Variants in EXOC5 observed in about 807,000 individuals in gnomAD.
EXOC5 encodes the protein SEC10-like 1.
In EXOC5, 17 loss-of-function variants were observed where a neutral mutation model predicts 90.8. The ratio of observed to expected loss-of-function variants is 0.19; its 90% CI spans 0.13 to 0.28. EXOC5 has a LOEUF of 0.28. Among genes scored for constraint, EXOC5 ranks in the 10% least tolerant of loss-of-function variants. The pLI, the probability that EXOC5 is intolerant of heterozygous loss-of-function variation, is 1.00. For synonymous variants in EXOC5, 260 were observed against 270.0 expected (o/e 0.96, Z 0.36); for missense variants, 569 against 830.6 (o/e 0.69, Z 3.87).
chr14:57,224,108 A>G (rs1266553073), intron 12 of EXOC5, among the ~76,000 whole-genome samples: 4 of 152,184 alleles, frequency 2.6e-5, no homozygotes, highest in African/African-American at 9.7e-5. Context: ...TTAGATTAGG[A>G]AAGAAGAAAG....
intron 1 of EXOC5, among the ~76,000 whole-genome samples, chr14:57,258,037 T>A (rs1253529439): frequency 6.6e-6 from 1 of 152,210 alleles, no homozygotes; most frequent in Non-Finnish European, 1.5e-5. Flanking sequence ...CTTTACATAA[T>A]TGGTTGTTAT....
At chr14:57,233,674 T>C (rs1287472293) in intron 9 of EXOC5, 69 bp downstream of exon 9, 1 of 994,448 alleles carries the variant, frequency 1.0e-6, no homozygotes, top group African/African-American at 1.6e-5. Context: ...TTAAAAATAC[T>C]TTTAAAATAT....
At chr14:57,238,347 G>A (rs1356493365) in intron 5 of EXOC5, among the ~76,000 whole-genome samples, 2 of 45,202 alleles carry the variant, frequency 4.4e-5, no homozygotes, top group African/African-American at 1.8e-4. Context: ...ATCCTAATTA[G>A]ACATATATAT....
Position 57,201,435 on chromosome 14 carries a change from C to CACACACGTGTGTATATAT in EXOC5, c.*7156_*7173dup, listed in dbSNP as rs918005386. 1 of 144,510 alleles carries CACACACGTGTGTATATAT rather than the reference C, an allele frequency of 6.9e-6. No homozygotes were observed. Among genetic ancestry groups the CACACACGTGTGTATATAT allele is most frequent in the South Asian group, 2.1e-4 (1 of 4,666 alleles). 9.0% of individuals were successfully genotyped at this position (144,510 alleles called of 1,614,324 possible). A position where few individuals can be genotyped will look rare whatever the true frequency, so the allele number is the denominator to read the frequency against. ...TCTGATTAGTATATATATATACACA[C>CACACACGTGTGTATATAT]ACACACGTGTGTATATATACACACG... is the stretch of plus-strand genomic sequence containing the variant. On this transcript the variant is annotated 3_prime_UTR_variant, in exon 18 of 18. Coordinates refer to ENST00000621441, the MANE Select transcript of EXOC5 (RefSeq NM_006544.4).
At chr14:57,222,760 C>CATATATAT (rs1208085180) in intron 12 of EXOC5, among the ~76,000 whole-genome samples, 60 of 147,784 alleles carry the variant, frequency 4.1e-4, no homozygotes, top group African/African-American at 1.4e-3. Context: ...CACACACACA[C>CATATATAT]ACATATATAT....
intron 1 of EXOC5, among the ~76,000 whole-genome samples, chr14:57,255,864 A>G (rs1460343753): frequency 6.6e-6 from 1 of 151,452 alleles, no homozygotes; most frequent in African/African-American, 2.4e-5. Flanking sequence ...AGGAAGCACT[A>G]TTCTCCAAGA....
chr14:57,260,970 T>G (rs1884486623), intron 1 of EXOC5, among the ~76,000 whole-genome samples: 1 of 152,144 alleles, frequency 6.6e-6, no homozygotes, highest in Non-Finnish European at 1.5e-5. Context: ...GGAAATGAAA[T>G]TAAACAAGTG....
chr14:57,220,445 G>A (rs1440746973), intron 13 of EXOC5, among the ~76,000 whole-genome samples: 1 of 151,998 alleles, frequency 6.6e-6, no homozygotes, highest in African/African-American at 2.4e-5. Context: ...AATTTTTAAA[G>A]AATATTCAAT....
In EXOC5 at chr14:57,235,830, A is replaced by T; in HGVS notation, c.560-10T>A. The T allele has an allele frequency of 7.0e-7, 1 of 1,434,238 alleles. No individual in the cohort carries two copies. Among genetic ancestry groups the T allele is most frequent in the Non-Finnish European group, 9.6e-7 (1 of 1,039,000 alleles). The allele number at this position is 1,434,238 out of a possible 1,614,324, so 88.8% of individuals were successfully genotyped here. ...AAATCATGGTATTTACCTAAAAATAAAGTCATTCAGCTACACTGAGGCATA... is the reference window on the plus strand; with the variant it reads ...AAATCATGGTATTTACCTAAAAATATAGTCATTCAGCTACACTGAGGCATA... On this transcript the variant is annotated splice_polypyrimidine_tract_variant and intron_variant, in intron 6 of 17. Coordinates refer to ENST00000621441, the MANE Select transcript of EXOC5 (RefSeq NM_006544.4).
At chr14:57,241,286 C>T (rs945808318) in intron 4 of EXOC5, among the ~76,000 whole-genome samples, 13 of 152,200 alleles carry the variant, frequency 8.5e-5, no homozygotes, top group African/African-American at 3.1e-4. Flanking sequence ...CCCTTTTCTC[C>T]TAGTCAGCAG....
rs959833023 is a variant in EXOC5, at chr14:57,266,739, A to G, written c.27+1883T>C. ...TATATGTGTATGTGTGTGTGTGTAT[A>G]TATATATATATATAAAACGTATATA... On this transcript the variant is annotated intron_variant, in intron 1 of 17. Transcript: ENST00000621441. Among the ~76,000 whole-genome samples the G allele has an allele frequency of 7.4e-4, 110 of 148,782 alleles. 1 individual carries two copies. In the South Asian group the frequency reaches 0.012, roughly 16 times the overall value.
chr14:57,255,750 TCAACCCAGGAGGGAGAA>T (rs1884330815), intron 1 of EXOC5, among the ~76,000 whole-genome samples: 1 of 150,620 alleles, frequency 6.6e-6, no homozygotes, highest in African/African-American at 2.5e-5. Flanking sequence ...GAGAATTGCT[TCAACCCAGGAGGGAGAA>T]GTTGCAGTGA....
intron 1 of EXOC5, among the ~76,000 whole-genome samples, chr14:57,264,313 C>T (rs567942389): frequency 7.2e-5 from 11 of 152,174 alleles, no homozygotes; most frequent in Non-Finnish European, 1.5e-4. Context: ...GCTAATTGAA[C>T]AAGAGACATC....
Position 57,222,393 on chromosome 14 carries a change from T to C in EXOC5, c.1320A>G (p.Pro440=), listed in dbSNP as rs1760185709. ...CHRLSDPSDL[P]RNAFRIFTIL... is the part of the protein sequence containing the mutation. The stretch of plus-strand genomic sequence containing the variant: ...TGGTAAAAATTCTGAAGGCATTCCT[T>C]GGTAAGTCAGAAGGATCAGAGAGCT... The change falls in exon 13 of 18, where the codon CCA becomes CCG. Residue 440 remains proline, a synonymous_variant. Coordinates refer to ENST00000621441, the MANE Select transcript of EXOC5 (RefSeq NM_006544.4). 2 of 1,596,738 alleles carry C rather than the reference T, an allele frequency of 1.3e-6. No individual in the cohort carries two copies. The highest frequency in any genetic ancestry group is 1.3e-5 in the African/African-American group (1 of 74,594).
intron 12 of EXOC5, among the ~76,000 whole-genome samples, chr14:57,229,432 A>T (rs998306742): frequency 2.3e-4 from 35 of 152,268 alleles, no homozygotes; most frequent in South Asian, 1.4e-3. Context: ...AAAAAAAAAG[A>T]GAATGGTTGC....
chr14:57,222,532 A>C (rs1883176009), intron 12 of EXOC5, 116 bp from the exon 13 acceptor site: 7 of 537,318 alleles, frequency 1.3e-5, no homozygotes, highest in Non-Finnish European at 2.4e-5. Context: ...TATGAAAATA[A>C]CTCACAGCTC....
At position 57,230,431 on chromosome 14, in the gene EXOC5, A is replaced by ACG. The variant is rs200893413; in HGVS notation, c.1149-551_1149-550insCG. Reference sequence around the variant, plus strand: ...TAACTTGAGACTACCGTAAACACACACACACACACACACAAACACACACAC... The same window carrying ACG: ...TAACTTGAGACTACCGTAAACACACACGCACACACACACACAAACACACACAC... On this transcript the variant is annotated intron_variant, in intron 11 of 17. Coordinates refer to ENST00000621441, the MANE Select transcript of EXOC5 (RefSeq NM_006544.4). Among the ~76,000 whole-genome samples, 1,112 of 151,004 alleles carry ACG rather than the reference A, an allele frequency of 7.4e-3. 9 individuals carry two copies. The highest frequency in any genetic ancestry group is 0.024 in the African/African-American group (966 of 40,530).
At chr14:57,254,032 T>C (rs1197576932) in intron 1 of EXOC5, among the ~76,000 whole-genome samples, 3 of 152,148 alleles carry the variant, frequency 2.0e-5, no homozygotes, top group South Asian at 2.1e-4. Flanking sequence ...CTGGACTACA[T>C]AGAACTCCTA....
intron 6 of EXOC5, 88 bp downstream of exon 6, chr14:57,237,250 T>C (rs2139643234): frequency 2.7e-6 from 2 of 752,486 alleles, no homozygotes; most frequent in South Asian, 3.1e-5. Flanking sequence ...ATGACATTGT[T>C]CCTGCTTTTT....
Sources: gnomAD v4.1 joint callset for allele counts (sites outside exome capture counted in the v4.1 genomes callset) on GRCh38, gnomAD v4.1.1 for gene constraint, MANE v1.5 for transcripts, NCBI Gene and HGNC (gene_info 2026-07-23, HGNC 2026-07-21) for gene names.